FRMD4B: variants seen among roughly 807,000 people sequenced by gnomAD.
FRMD4B encodes FERM domain-containing protein 4B.
Under a neutral mutation model 141.5 loss-of-function variants are expected in FRMD4B, and 74 were observed. That is an observed-to-expected ratio of 0.52 (90% confidence interval 0.43 to 0.63). FRMD4B has a LOEUF of 0.63. Ranked by LOEUF, FRMD4B falls within the 30% of genes least tolerant of loss-of-function variation. The pLI, the probability that FRMD4B is intolerant of heterozygous loss-of-function variation, is 0.00. For missense variants in FRMD4B, 1,366 were observed against 1,253.4 expected (o/e 1.09, Z -1.36); for synonymous variants, 506 against 467.9 (o/e 1.08, Z -1.05).
intron 15 of FRMD4B, 30 bp downstream of exon 15, chr3:69,195,201 A>G: frequency 6.2e-7 from 1 of 1,613,232 alleles, no homozygotes; most frequent in South Asian, 1.1e-5. Context: ...TGTCAAACAC[A>G]ACTTGATGAG....
At chr3:69,338,775 A>T (rs938564873) in intron 1 of FRMD4B, among the ~76,000 whole-genome samples, 1 of 152,194 alleles carries the variant, frequency 6.6e-6, no homozygotes, top group African/African-American at 2.4e-5. Context: ...TATGTACACC[A>T]AACACCTATG....
chr3:69,201,836 C>T (rs922745006), intron 11 of FRMD4B, among the ~76,000 whole-genome samples: 2 of 152,156 alleles, frequency 1.3e-5, no homozygotes, highest in East Asian at 1.9e-4. Flanking sequence ...TGTTCATTCT[C>T]CTCCCTTTCT....
intron 5 of FRMD4B, among the ~76,000 whole-genome samples, chr3:69,273,614 T>C (rs1575680374): frequency 6.6e-6 from 1 of 152,332 alleles, no homozygotes; most frequent in East Asian, 1.9e-4. Context: ...TGATTTTTAA[T>C]TTGGCTTGAT....
At chr3:69,492,549 T>C (rs1388641686) in intron 1 of FRMD4B, among the ~76,000 whole-genome samples, 2 of 152,194 alleles carry the variant, frequency 1.3e-5, no homozygotes, top group African/African-American at 2.4e-5. Flanking sequence ...CTGATACAAA[T>C]ATACATTCTT....
chr3:69,478,702 C>T (rs1258483484), intron 1 of FRMD4B, among the ~76,000 whole-genome samples: 22 of 152,076 alleles, frequency 1.4e-4, no homozygotes, highest in Non-Finnish European at 4.4e-5. Flanking sequence ...GTGGAGAGTT[C>T]GGTAGATGTC....
chr3:69,239,495 C>T (rs72929589), intron 7 of FRMD4B, among the ~76,000 whole-genome samples: 3,812 of 152,118 alleles, frequency 0.025, 169 homozygotes, highest in African/African-American at 0.088. Context: ...CTGAGGACTC[C>T]GATCATGTCT....
intron 1 of FRMD4B, among the ~76,000 whole-genome samples, chr3:69,509,169 C>T (rs1043899451): frequency 1.3e-5 from 2 of 152,068 alleles, no homozygotes; most frequent in African/African-American, 2.4e-5. Context: ...CCAGGCCAGA[C>T]GGTGAAGCAA....
At chr3:69,276,919 T>C (rs939624399) in intron 5 of FRMD4B, among the ~76,000 whole-genome samples, 19 of 152,144 alleles carry the variant, frequency 1.2e-4, no homozygotes, top group Admixed American at 3.9e-4. Flanking sequence ...GAGCCGAGAT[T>C]GTGCCACTGC....
chr3:69,379,437 C>A (rs546217230), intron 1 of FRMD4B, among the ~76,000 whole-genome samples: 1 of 152,252 alleles, frequency 6.6e-6, no homozygotes, highest in Admixed American at 6.5e-5. Flanking sequence ...CACCACCACA[C>A]CCAGCTAACT....
chr3:69,358,239 T>C (rs1430777466), intron 1 of FRMD4B, among the ~76,000 whole-genome samples: 1 of 152,228 alleles, frequency 6.6e-6, no homozygotes, highest in African/African-American at 2.4e-5. Flanking sequence ...GTATTGGATG[T>C]CAGAGCTGGG....
intron 1 of FRMD4B, among the ~76,000 whole-genome samples, chr3:69,538,635 T>C (rs545585447): frequency 5.9e-5 from 9 of 152,302 alleles, no homozygotes; most frequent in African/African-American, 1.9e-4. Flanking sequence ...TGAGATTAGT[T>C]TAAAAATTGA....
chr3:69,201,648 C>A (rs1260109832), intron 11 of FRMD4B, among the ~76,000 whole-genome samples: 2 of 152,024 alleles, frequency 1.3e-5, no homozygotes, highest in Non-Finnish European at 2.9e-5. Flanking sequence ...GCTGGTTTTT[C>A]TTTTGAAATT....
intron 1 of FRMD4B, among the ~76,000 whole-genome samples, chr3:69,366,060 A>AACACACACAC (rs4063529): frequency 6.1e-4 from 78 of 127,188 alleles, no homozygotes; most frequent in African/African-American, 2.0e-3. Context: ...ACCTCTACAA[A>AACACACACAC]ACACACACAC....
At chr3:69,447,703 T>C (rs1705430938) in intron 1 of FRMD4B, among the ~76,000 whole-genome samples, 1 of 152,222 alleles carries the variant, frequency 6.6e-6, no homozygotes, top group African/African-American at 2.4e-5. Flanking sequence ...TTCTCTCTCT[T>C]ACTTCCTGCC....
intron 2 of FRMD4B, among the ~76,000 whole-genome samples, chr3:69,425,698 A>C (rs912510193): frequency 2.0e-5 from 3 of 152,210 alleles, no homozygotes; most frequent in Non-Finnish European, 4.4e-5. Flanking sequence ...GATGTTTTGC[A>C]CTTGGTACAA....
chr3:69,223,463 G>A (rs568978311), intron 8 of FRMD4B, among the ~76,000 whole-genome samples: 9 of 152,044 alleles, frequency 5.9e-5, no homozygotes, highest in Non-Finnish European at 1.2e-4. Flanking sequence ...TGCAGTGAGC[G>A]GAGATTGTGC....
At chr3:69,345,940 G>A (rs188899834) in intron 1 of FRMD4B, among the ~76,000 whole-genome samples, 8 of 152,252 alleles carry the variant, frequency 5.3e-5, no homozygotes, top group Admixed American at 5.2e-4. Context: ...CACCTCCAAA[G>A]GAACGCAGCT....
chr3:69,204,844 C>T (rs957972971), intron 11 of FRMD4B, among the ~76,000 whole-genome samples: 5 of 152,082 alleles, frequency 3.3e-5, no homozygotes, highest in African/African-American at 1.2e-4. Flanking sequence ...CCAACAACCA[C>T]ATGGGGCAGT....
At chr3:69,329,176 CAG>C (rs367736750) in intron 1 of FRMD4B, among the ~76,000 whole-genome samples, 225 of 152,250 alleles carry the variant, frequency 1.5e-3, no homozygotes, top group African/African-American at 5.3e-3. Context: ...GATGAACAAA[CAG>C]AGGCTTCAGG....
Sources: gnomAD v4.1 joint callset for allele counts (sites outside exome capture counted in the v4.1 genomes callset) on GRCh38, gnomAD v4.1.1 for gene constraint, MANE v1.5 for transcripts, NCBI Gene and HGNC (gene_info 2026-07-23, HGNC 2026-07-21) for gene names.